The following EFR3A variants were observed in gnomAD, a reference collection of about 807,000 sequenced individuals.
EFR3A encodes protein EFR3 homolog A.
In EFR3A, 76 loss-of-function variants were observed where a neutral mutation model predicts 104.4. That is an observed-to-expected ratio of 0.73 (90% CI 0.60 to 0.88). The LOEUF is 0.88. Among genes scored for constraint, EFR3A ranks in the 40% least tolerant of loss-of-function variants. The probability of loss-of-function intolerance (pLI) is 0.00; values close to 1 mark genes in which losing one functional copy is unlikely to be tolerated. For synonymous variants in EFR3A, 330 were observed against 330.0 expected (o/e 1.00, Z 0.00); for missense variants, 985 against 1,012.5 (o/e 0.97, Z 0.37).
chr8:131,986,007 AATAG>A (rs1045487604), intron 16 of EFR3A, among the ~76,000 whole-genome samples, 183 bp from the exon 17 acceptor site: 5 of 152,238 alleles, frequency 3.3e-5, no homozygotes, highest in African/African-American at 1.2e-4. Context: ...TTTTAAAAAT[AATAG>A]ATGTGAAAAC....
At chr8:131,961,083 A>G (rs1819294072) in intron 8 of EFR3A, among the ~76,000 whole-genome samples, 1 of 152,226 alleles carries the variant, frequency 6.6e-6, no homozygotes, top group Non-Finnish European at 1.5e-5. Context: ...ATAAAAGACC[A>G]AAGGTAGATA....
chr8:131,984,419 T>A, intron 15 of EFR3A, 119 bp downstream of exon 15: 1 of 956,974 alleles, frequency 1.0e-6, no homozygotes, highest in Non-Finnish European at 1.5e-6. Flanking sequence ...GTTGTAAATC[T>A]AAAATACTCA....
rs763265680 is a variant in EFR3A at position 132,012,798 on chromosome 8, G to A, written c.*1903G>A. 8 of 152,098 alleles carry A rather than the reference G, an allele frequency of 5.3e-5. No homozygotes were observed. Among genetic ancestry groups the A allele is most frequent in the Admixed American group, 6.6e-5 (1 of 15,232 alleles). 9.4% of individuals were successfully genotyped at this position (152,098 alleles called of 1,614,324 possible). A position where few individuals can be genotyped will look rare whatever the true frequency, so the allele number is the denominator to read the frequency against. ...AAAATATATATTCATTTGCACTTAC[G>A]TGAAACACAAACTTTGCTCTACAAA... On this transcript the variant is annotated 3_prime_UTR_variant, in exon 23 of 23. Transcript: ENST00000254624.
At chr8:131,954,414 A>G (rs1321106999) in intron 6 of EFR3A, among the ~76,000 whole-genome samples, 1 of 151,940 alleles carries the variant, frequency 6.6e-6, no homozygotes, top group Non-Finnish European at 1.5e-5. Flanking sequence ...TATTTTTTCA[A>G]CAAATGGTTA....
In EFR3A at chr8:131,962,083, C is replaced by A. The variant is rs965771754; in HGVS notation, c.855+2420C>A. 1.5e-4 allele frequency among the ~76,000 whole-genome samples: 23 copies of A among 152,266 alleles called. 1 individual carries two copies. Among genetic ancestry groups the A allele is most frequent in the Admixed American group, 1.2e-3 (18 of 15,290 alleles). ...AGCACTAAACATGGAAAGGAACAAC[C>A]GGTACCAGCCACTGCAAAAACATGC... On this transcript the variant is annotated intron_variant, in intron 8 of 22. Transcript: ENST00000254624.
intron 18 of EFR3A, among the ~76,000 whole-genome samples, chr8:131,990,229 A>G (rs1245248029): frequency 6.6e-6 from 1 of 152,250 alleles, no homozygotes; most frequent in Non-Finnish European, 1.5e-5. Flanking sequence ...TGCATAGGAA[A>G]TAAGTTAATT....
chr8:131,988,221 T>C (rs1820997912), intron 18 of EFR3A, among the ~76,000 whole-genome samples: 1 of 151,992 alleles, frequency 6.6e-6, no homozygotes, highest in African/African-American at 2.4e-5. Context: ...ATAATTCTGT[T>C]TGAAGGCAAA....
intron 1 of EFR3A, among the ~76,000 whole-genome samples, chr8:131,923,502 GTTT>G (rs917163877): frequency 9.0e-6 from 1 of 111,534 alleles, no homozygotes; most frequent in African/African-American, 3.2e-5. Flanking sequence ...ATGTCAGGGT[GTTT>G]TTTTTTTTTT....
At chr8:131,965,136 C>G (rs576004079) in intron 8 of EFR3A, among the ~76,000 whole-genome samples, 1 of 152,194 alleles carries the variant, frequency 6.6e-6, no homozygotes, top group Admixed American at 6.5e-5. Flanking sequence ...TAGGCAATAC[C>G]ATTCAGGACA....
At chr8:131,989,709 T>C (rs1586660220) in intron 18 of EFR3A, among the ~76,000 whole-genome samples, 1 of 152,188 alleles carries the variant, frequency 6.6e-6, no homozygotes, top group African/African-American at 2.4e-5. Context: ...AGCACTGTTA[T>C]AACTTTCAAA....
chr8:131,977,789 G>A (rs1004132414), intron 12 of EFR3A, among the ~76,000 whole-genome samples: 1 of 151,798 alleles, frequency 6.6e-6, no homozygotes, highest in Non-Finnish European at 1.5e-5. Flanking sequence ...TGTTTATGGC[G>A]CTTGTCATTT....
chr8:131,922,741 A>G lies in EFR3A; in HGVS notation c.11-17758A>G, dbSNP rs143472034. ...CTCCCACTTTCCTGCATGTTAACCT[A>G]TTGCCTTGGTTTTCCAGCTACATAA... On this transcript the variant is annotated intron_variant, in intron 1 of 22. Transcript: ENST00000254624. Among the ~76,000 whole-genome samples the G allele has an allele frequency of 6.6e-5, 10 of 152,148 alleles. No homozygotes were observed. In the East Asian group the frequency reaches 9.7e-4, roughly 15 times the overall value.
chr8:131,937,379 T>G (rs1817952593), intron 1 of EFR3A, among the ~76,000 whole-genome samples: 1 of 152,130 alleles, frequency 6.6e-6, no homozygotes, highest in South Asian at 2.1e-4. Context: ...AGAGCTGTAT[T>G]GAATAGATTA....
rs1359496595 is a variant in EFR3A, at chr8:131,996,459, G to A, written c.2119G>A (p.Val707Met). ...CATTGTGGACACCGTATCCATTCAG[G>A]TGGATATTTTATCCAACAATGTTCC... ...KSIVDTVSIQVDILSNNVPSD... is the reference protein window; with the variant it reads ...KSIVDTVSIQMDILSNNVPSD... The change falls in exon 19 of 23, where the codon GTG becomes ATG. Residue 707 changes from valine to methionine, a missense_variant. Transcript: ENST00000254624. The A allele has an allele frequency of 6.2e-7, 1 of 1,601,482 alleles. No homozygotes were observed.
intron 1 of EFR3A, among the ~76,000 whole-genome samples, chr8:131,914,863 T>G (rs1022551302): frequency 1.1e-4 from 17 of 152,292 alleles, no homozygotes; most frequent in African/African-American, 4.1e-4. Flanking sequence ...TTGGCGTCCA[T>G]GAGTTCTCAT....
intron 1 of EFR3A, among the ~76,000 whole-genome samples, chr8:131,938,926 C>T (rs1695846193): frequency 6.6e-6 from 1 of 152,076 alleles, no homozygotes; most frequent in Admixed American, 6.6e-5. Flanking sequence ...CAGTGCTGTA[C>T]ACGTCATCTT....
rs139788735 is a variant in EFR3A at position 132,001,893 on chromosome 8, G to A, written c.2206+86G>A. ...TTTCGATGACAGAATACGTAGAGGG[G>A]ACATTACAAAAATAAACCAAAGAAA... is the stretch of plus-strand genomic sequence containing the variant. On this transcript the variant is annotated intron_variant, in intron 20 of 22. Coordinates refer to ENST00000254624, the MANE Select transcript of EFR3A (RefSeq NM_015137.6). The A allele has an allele frequency of 1.9e-3, 2,211 of 1,145,440 alleles. 8 individuals are homozygous for A. The highest frequency in any genetic ancestry group is 2.3e-3 in the Non-Finnish European group (1,748 of 770,050). 71.0% of individuals were successfully genotyped at this position (1,145,440 alleles called of 1,614,324 possible). A position where few individuals can be genotyped will look rare whatever the true frequency, so the allele number is the denominator to read the frequency against.
Position 131,904,176 on chromosome 8 carries a change from C to A in EFR3A, c.-137C>A. ...TGCGTGACCGCGGGGTCCGCGTCCG[C>A]TCCCTCCACCCTTCGCCCTTCGCCC... On this transcript the variant is annotated 5_prime_UTR_variant, in exon 1 of 23. Transcript: ENST00000254624. The A allele has an allele frequency of 9.7e-7, 1 of 1,030,456 alleles. No homozygotes were observed. Among genetic ancestry groups the A allele is most frequent in the Non-Finnish European group, 1.2e-6 (1 of 803,848 alleles). The allele number at this position is 1,030,456 out of a possible 1,614,324, so 63.8% of individuals were successfully genotyped here. A position where few individuals can be genotyped will look rare whatever the true frequency, so the allele number is the denominator to read the frequency against.
At chr8:131,998,439 AAGAG>A (rs1286538596) in intron 19 of EFR3A, among the ~76,000 whole-genome samples, 14 of 151,888 alleles carry the variant, frequency 9.2e-5, no homozygotes, top group African/African-American at 2.4e-4. Context: ...TTTAAAAAAA[AAGAG>A]AGAGAGTCAG....
Sources: allele counts gnomAD v4.1 joint callset (sites outside exome capture counted in the v4.1 genomes callset), GRCh38; gene constraint gnomAD v4.1.1; transcripts MANE v1.5; gene names NCBI Gene and HGNC (gene_info 2026-07-23, HGNC 2026-07-21).